The following PCDH7 variants were observed in gnomAD, a reference collection of about 807,000 sequenced individuals.
PCDH7 encodes the protein protocadherin 7, also known as protocadherin-7.
In PCDH7, 17 loss-of-function variants were observed where a neutral mutation model predicts 58.9. That is an observed-to-expected ratio of 0.29 (90% CI 0.20 to 0.43). The LOEUF (loss-of-function observed/expected upper bound fraction) is 0.43, where lower values mean the gene tolerates loss of function less well. Among genes scored for constraint, PCDH7 ranks in the 20% least tolerant of loss-of-function variants. PCDH7 has a pLI of 1.00. For synonymous variants in PCDH7, 664 were observed against 616.4 expected (o/e 1.08, Z -1.14); for missense variants, 1,274 against 1,441.0 (o/e 0.88, Z 1.88).
At chr4:30,940,668 T>C (rs2109435656) in intron 2 of PCDH7, among the ~76,000 whole-genome samples, 1 of 152,102 alleles carries the variant, frequency 6.6e-6, no homozygotes, top group East Asian at 1.9e-4. Flanking sequence ...ATTACTTAAC[T>C]GAGACATAAA....
At chr4:31,033,903 A>G (rs1005498948) in intron 3 of PCDH7, among the ~76,000 whole-genome samples, 4 of 151,946 alleles carry the variant, frequency 2.6e-5, no homozygotes, top group African/African-American at 9.7e-5. Context: ...AGACCAGCCT[A>G]GCCAACATGG....
chr4:31,064,748 T>G (rs1437074720), intron 3 of PCDH7, among the ~76,000 whole-genome samples: 1 of 151,980 alleles, frequency 6.6e-6, no homozygotes, highest in Non-Finnish European at 1.5e-5. Context: ...CATCTTAATT[T>G]AGCTAATTAC....
At chr4:31,092,302 C>A (rs935660617) in intron 3 of PCDH7, among the ~76,000 whole-genome samples, 9 of 151,808 alleles carry the variant, frequency 5.9e-5, no homozygotes, top group African/African-American at 1.5e-4. Context: ...ATTCAAAGAA[C>A]CTGCTAGGGA....
At chr4:30,786,807 T>C (rs1723457043) in intron 1 of PCDH7, 2 of 944,510 alleles carry the variant, frequency 2.1e-6, no homozygotes, top group Admixed American at 6.2e-5. Flanking sequence ...GTAAGTGAAA[T>C]ATATGCAGTG....
chr4:31,115,306 T>C (rs1375413606), intron 3 of PCDH7, among the ~76,000 whole-genome samples: 1 of 152,128 alleles, frequency 6.6e-6, no homozygotes, highest in African/African-American at 2.4e-5. Context: ...TGTTAACTGG[T>C]ATTATCAATC....
intron 1 of PCDH7, among the ~76,000 whole-genome samples, chr4:30,810,582 A>C (rs1018817959): frequency 7.9e-5 from 12 of 151,698 alleles, no homozygotes; most frequent in African/African-American, 2.7e-4. Flanking sequence ...TTTTCTTGTA[A>C]ATTATGATTT....
At chr4:30,790,891 C>T (rs1030865003) in intron 1 of PCDH7, among the ~76,000 whole-genome samples, 3 of 151,548 alleles carry the variant, frequency 2.0e-5, no homozygotes, top group African/African-American at 7.3e-5. Context: ...GCACTGCACT[C>T]CAGCAAGAAT....
intron 1 of PCDH7, among the ~76,000 whole-genome samples, chr4:30,725,496 A>T (rs532238590): frequency 6.6e-6 from 1 of 152,300 alleles, no homozygotes; most frequent in African/African-American, 2.4e-5. Flanking sequence ...ATATATTCTG[A>T]GGCGGAACTT....
At chr4:30,746,999 C>T (rs1032252189) in intron 1 of PCDH7, among the ~76,000 whole-genome samples, 11 of 152,096 alleles carry the variant, frequency 7.2e-5, no homozygotes, top group African/African-American at 2.4e-4. Flanking sequence ...AATCAGAATA[C>T]AGCAGTATAA....
intron 3 of PCDH7, among the ~76,000 whole-genome samples, chr4:30,964,119 T>A (rs571373071): frequency 3.9e-5 from 6 of 152,206 alleles, no homozygotes; most frequent in Non-Finnish European, 7.3e-5. Context: ...CGGAACCCAC[T>A]GGGTGCTTCA....
At chr4:31,069,520 C>T (rs1758366603) in intron 3 of PCDH7, among the ~76,000 whole-genome samples, 2 of 151,910 alleles carry the variant, frequency 1.3e-5, no homozygotes, top group African/African-American at 4.8e-5. Context: ...ATGAAAAATG[C>T]TTAAAGAAAG....
intron 3 of PCDH7, among the ~76,000 whole-genome samples, chr4:31,056,593 G>A (rs990167553): frequency 1.4e-4 from 20 of 147,004 alleles, no homozygotes; most frequent in African/African-American, 5.0e-4. Flanking sequence ...AAGGGAGGAA[G>A]GAAGGAAAGG....
At chr4:31,021,477 T>C (rs1325732390) in intron 3 of PCDH7, among the ~76,000 whole-genome samples, 1 of 152,206 alleles carries the variant, frequency 6.6e-6, no homozygotes, top group Non-Finnish European at 1.5e-5. Context: ...AGAAATATGC[T>C]AACTGTTGTA....
intron 1 of PCDH7, among the ~76,000 whole-genome samples, chr4:30,803,316 A>G (rs1725766956): frequency 6.6e-6 from 1 of 152,202 alleles, no homozygotes; most frequent in South Asian, 2.1e-4. Flanking sequence ...AGGCAAAAGA[A>G]TTTCAAACCT....
intron 3 of PCDH7, among the ~76,000 whole-genome samples, chr4:30,962,156 T>C (rs1424917253): frequency 1.3e-5 from 2 of 152,212 alleles, no homozygotes; most frequent in Admixed American, 1.3e-4. Context: ...ACTGTTTGAA[T>C]TGAATTCTTT....
chr4:30,855,760 C>G (rs1200871735), intron 1 of PCDH7, among the ~76,000 whole-genome samples: 2 of 152,026 alleles, frequency 1.3e-5, no homozygotes, highest in Non-Finnish European at 2.9e-5. Context: ...TGTTGCAAAG[C>G]TAGGGGACAG....
chr4:30,909,835 C>A (rs554149210), intron 1 of PCDH7, among the ~76,000 whole-genome samples: 1 of 152,252 alleles, frequency 6.6e-6, no homozygotes, highest in African/African-American at 2.4e-5. Flanking sequence ...CTTTAAATTT[C>A]ATTCGGAGCC....
intron 1 of PCDH7, among the ~76,000 whole-genome samples, chr4:30,819,200 A>G (rs1370004962): frequency 6.6e-6 from 1 of 152,168 alleles, no homozygotes; most frequent in Non-Finnish European, 1.5e-5. Flanking sequence ...GAAGACCTTC[A>G]GTGTAAACAG....
chr4:31,110,731 C>T (rs549712703), intron 3 of PCDH7, among the ~76,000 whole-genome samples: 38 of 151,920 alleles, frequency 2.5e-4, no homozygotes, highest in African/African-American at 9.2e-4. Flanking sequence ...CTGGCTAACA[C>T]GGTGAAACTC....
Sources: gnomAD v4.1 joint callset for allele counts (sites outside exome capture counted in the v4.1 genomes callset) on GRCh38, gnomAD v4.1.1 for gene constraint, MANE v1.5 for transcripts, NCBI Gene and HGNC (gene_info 2026-07-23, HGNC 2026-07-21) for gene names.